DPP6: variants seen among roughly 807,000 people sequenced by gnomAD.
DPP6 encodes the protein dipeptidyl peptidase like 6.
DPP6 carries 69 observed loss-of-function variants against 122.6 expected under a neutral mutation model. The observed-to-expected ratio is 0.56, with a 90% confidence interval of 0.46 to 0.69. The LOEUF (loss-of-function observed/expected upper bound fraction) is 0.69. Ranked by LOEUF, DPP6 falls within the 30% of genes least tolerant of loss-of-function variation. The probability of loss-of-function intolerance (pLI) is 0.00; values close to 1 mark genes in which losing one functional copy is unlikely to be tolerated. For synonymous variants in DPP6, 418 were observed against 433.1 expected (o/e 0.97, Z 0.43); for missense variants, 928 against 1,116.9 (o/e 0.83, Z 2.41).
intron 1 of DPP6, among the ~76,000 whole-genome samples, chr7:154,009,969 A>G (rs1798083961): frequency 6.6e-6 from 1 of 152,262 alleles, no homozygotes; most frequent in Non-Finnish European, 1.5e-5. Context: ...TATTTGCCTA[A>G]AGTCGCATAG....
chr7:154,221,719 C>A (rs1163292721), intron 1 of DPP6, among the ~76,000 whole-genome samples: 1 of 152,128 alleles, frequency 6.6e-6, no homozygotes, highest in Non-Finnish European at 1.5e-5. Context: ...GCTTCCAGAT[C>A]TTCTCTTCAT....
intron 6 of DPP6, among the ~76,000 whole-genome samples, chr7:154,650,835 G>C (rs1252230815): frequency 6.6e-6 from 1 of 152,188 alleles, no homozygotes; most frequent in African/African-American, 2.4e-5. Flanking sequence ...CATCCAACTG[G>C]ATGGATGAAG....
At chr7:154,346,157 G>A (rs919394602) in intron 1 of DPP6, among the ~76,000 whole-genome samples, 1 of 152,096 alleles carries the variant, frequency 6.6e-6, no homozygotes, top group African/African-American at 2.4e-5. Context: ...GAAATTATTT[G>A]CGAGTATATC....
chr7:154,444,046 A>G (rs1243460794), intron 1 of DPP6, among the ~76,000 whole-genome samples: 1 of 152,208 alleles, frequency 6.6e-6, no homozygotes, highest in African/African-American at 2.4e-5. Context: ...GGGGAGCCAA[A>G]TTAGATGTTC....
chr7:153,989,775 A>G (rs1397655820), intron 1 of DPP6, among the ~76,000 whole-genome samples: 12 of 151,936 alleles, frequency 7.9e-5, no homozygotes, highest in African/African-American at 2.9e-4. Context: ...GCCACGTGTT[A>G]TCCCTGCATG....
chr7:154,311,300 C>T (rs1423990714), intron 1 of DPP6, among the ~76,000 whole-genome samples: 1 of 152,062 alleles, frequency 6.6e-6, no homozygotes, highest in Non-Finnish European at 1.5e-5. Context: ...CAACACCAGC[C>T]TGGGCAACAT....
intron 1 of DPP6, chr7:154,026,281 T>G (rs1013518591): frequency 1.6e-4 from 25 of 152,018 alleles, no homozygotes; most frequent in African/African-American, 5.8e-4. Flanking sequence ...CCTGGAAGCT[T>G]TCACCTGGTT....
intron 4 of DPP6, among the ~76,000 whole-genome samples, chr7:154,540,833 G>A (rs1036128692): frequency 3.3e-5 from 5 of 152,038 alleles, no homozygotes; most frequent in Non-Finnish European, 5.9e-5. Context: ...TCATTGTCTG[G>A]GAAATTTCTC....
chr7:154,723,708 T>TA (rs1318493313), intron 7 of DPP6, among the ~76,000 whole-genome samples: 6 of 152,088 alleles, frequency 3.9e-5, no homozygotes, highest in Admixed American at 2.6e-4. Flanking sequence ...ATATTTTCAG[T>TA]AAAAAAAATT....
intron 17 of DPP6, among the ~76,000 whole-genome samples, chr7:154,856,510 T>C (rs1427410795): frequency 6.6e-6 from 1 of 152,200 alleles, no homozygotes; most frequent in Non-Finnish European, 1.5e-5. Context: ...TGGGCTGAGG[T>C]GCAATTCTTC....
chr7:154,260,021 C>T (rs1423539003), intron 1 of DPP6, among the ~76,000 whole-genome samples: 1 of 152,090 alleles, frequency 6.6e-6, no homozygotes, highest in Non-Finnish European at 1.5e-5. Flanking sequence ...AGAGGGTGGC[C>T]AGAGAGGTCC....
At chr7:154,297,583 AGGACTT>A (rs1321483019) in intron 1 of DPP6, among the ~76,000 whole-genome samples, 42 of 152,234 alleles carry the variant, frequency 2.8e-4, no homozygotes, top group Admixed American at 2.7e-3. Context: ...AAACAGAAGA[AGGACTT>A]GGACTGTATC....
chr7:154,227,679 T>TTGACATCC (rs140452684), intron 1 of DPP6, among the ~76,000 whole-genome samples: 10,666 of 152,148 alleles, frequency 0.07, 749 homozygotes, highest in African/African-American at 0.18. Flanking sequence ...CCCTACACTG[T>TTGACATCC]TGACATCCTC....
chr7:153,849,206 C>T, the DPP6 span, among the ~76,000 whole-genome samples: 8 of 151,872 alleles, frequency 5.3e-5, no homozygotes, highest in African/African-American at 1.5e-4. Flanking sequence ...ATAGGCCACA[C>T]AGTTAGTACA....
chr7:154,075,276 C>T (rs959418739), intron 1 of DPP6, among the ~76,000 whole-genome samples: 2 of 151,978 alleles, frequency 1.3e-5, no homozygotes, highest in African/African-American at 4.8e-5. Flanking sequence ...AGTAGATCTA[C>T]CATTTGATCC....
At chr7:154,164,671 T>C (rs1441075281) in intron 1 of DPP6, among the ~76,000 whole-genome samples, 2 of 152,206 alleles carry the variant, frequency 1.3e-5, no homozygotes, top group Admixed American at 1.3e-4. Flanking sequence ...CTGCTTTCTG[T>C]CTCTGTGGAT....
intron 1 of DPP6, among the ~76,000 whole-genome samples, chr7:154,206,726 G>C (rs1259411764): frequency 1.3e-5 from 2 of 152,238 alleles, no homozygotes; most frequent in African/African-American, 4.8e-5. Flanking sequence ...GGGTTTTACT[G>C]TAGAGCGATG....
At chr7:154,653,015 T>A (rs532837400) in intron 6 of DPP6, among the ~76,000 whole-genome samples, 7 of 152,334 alleles carry the variant, frequency 4.6e-5, no homozygotes, top group Non-Finnish European at 1.0e-4. Flanking sequence ...AACTACAGTG[T>A]TCCCCTGTCT....
the DPP6 span, among the ~76,000 whole-genome samples, chr7:153,772,841 G>T: frequency 1.4e-5 from 2 of 146,836 alleles, no homozygotes; most frequent in African/African-American, 5.0e-5. Flanking sequence ...TGATATAAAA[G>T]ACTTTTGCCT....
Sources: allele counts gnomAD v4.1 joint callset (sites outside exome capture counted in the v4.1 genomes callset), GRCh38; gene constraint gnomAD v4.1.1; transcripts MANE v1.5; gene names NCBI Gene and HGNC (gene_info 2026-07-23, HGNC 2026-07-21).